The following RP1 variants were observed in gnomAD, a reference collection of about 807,000 sequenced individuals.
RP1 encodes the protein RP1 axonemal microtubule associated.
A neutral mutation model predicts 14.8 loss-of-function variants in RP1; 16 were observed. That is an observed-to-expected ratio of 1.08 (90% CI 0.73 to 1.65). The LOEUF is 1.65. RP1 is among the 40% of genes most tolerant of loss of function. The pLI, the probability that RP1 is intolerant of heterozygous loss-of-function variation, is 0.00. For missense variants in RP1, 2,631 were observed against 2,535.0 expected (o/e 1.04, Z -0.81); for synonymous variants, 876 against 883.6 (o/e 0.99, Z 0.15).
chr8:54,743,532 C>A (rs1172623238), intron 19 of RP1, among the ~76,000 whole-genome samples: 1 of 152,154 alleles, frequency 6.6e-6, no homozygotes, highest in Non-Finnish European at 1.5e-5. Flanking sequence ...CCAGCGTGTA[C>A]TTGCAGATTC....
At chr8:54,634,732 G>A (rs1299382366), downstream of RP1, among the ~76,000 whole-genome samples, 1 of 152,132 alleles carries the variant, frequency 6.6e-6, no homozygotes, top group African/African-American at 2.4e-5. Context: ...GAGAAGATAC[G>A]TTCATCTTGT....
intron 1 of RP1, among the ~76,000 whole-genome samples, chr8:54,591,919 T>C (rs542144233): frequency 8.8e-4 from 134 of 152,292 alleles, no homozygotes; most frequent in African/African-American, 2.9e-3. Context: ...GTACCAGTTC[T>C]CTTGAGGTTT....
At position 54,630,464 on chromosome 8, in the gene RP1, T is replaced by C. The variant is rs1346793831; in HGVS notation, c.*111T>C. ...CTAAGAATTTTCCACTTCTTCAAAA[T>C]GAACTTACTCTAGAAAGCTTACCCT... On this transcript the variant is annotated 3_prime_UTR_variant, in exon 4 of 4. Transcript: ENST00000220676. 6.5e-7 allele frequency: 1 copy of C among 1,528,704 alleles called. No individual in the cohort carries two copies. The highest frequency in any genetic ancestry group is 8.8e-7 in the Non-Finnish European group (1 of 1,140,156). 94.7% of individuals were successfully genotyped at this position (1,528,704 alleles called of 1,614,324 possible).
intron 25 of RP1, among the ~76,000 whole-genome samples, chr8:54,851,885 A>G (rs928613896): frequency 4.6e-5 from 7 of 152,188 alleles, no homozygotes; most frequent in African/African-American, 1.7e-4. Flanking sequence ...ACAAAGTATG[A>G]TTTATAAAGA....
At chr8:54,593,426 T>C (rs1805081651) in intron 1 of RP1, among the ~76,000 whole-genome samples, 1 of 152,224 alleles carries the variant, frequency 6.6e-6, no homozygotes, top group Non-Finnish European at 1.5e-5. Context: ...CATTTTTATC[T>C]TGTCCTTTTC....
chr8:54,664,503 T>A (rs914058908), intron 7 of RP1, among the ~76,000 whole-genome samples: 1 of 152,158 alleles, frequency 6.6e-6, no homozygotes, highest in Non-Finnish European at 1.5e-5. Context: ...CATTTTACAA[T>A]CCCACCAGCA....
chr8:54,626,284 T>C lies in RP1; in HGVS notation c.2402T>C (p.Val801Ala). The C allele has an allele frequency of 1.2e-6, 2 of 1,613,442 alleles. No individual in the cohort carries two copies. The highest frequency in any genetic ancestry group is 1.7e-6 in the Non-Finnish European group (2 of 1,179,662). The change falls in exon 4 of 4, where the codon GTG (valine) becomes GCG (alanine). Residue 801 changes from valine to alanine, a missense_variant. Val to Ala is a moderately conservative substitution (Grantham distance 64). Coordinates refer to ENST00000220676, the MANE Select transcript of RP1 (RefSeq NM_006269.2). ...KKREIGQRDK[V>A]FPHNESKYCK... ...AGAGAAATCGGTCAAAGAGATAAAGTGTTTCCTCACAATGAATCTAAATAT... is the reference window on the plus strand; with the variant it reads ...AGAGAAATCGGTCAAAGAGATAAAGCGTTTCCTCACAATGAATCTAAATAT...
At chr8:54,600,939 C>T (rs918886200) in intron 1 of RP1, among the ~76,000 whole-genome samples, 1 of 152,142 alleles carries the variant, frequency 6.6e-6, no homozygotes, top group Non-Finnish European at 1.5e-5. Context: ...TTTGTGATTC[C>T]TAGCCCTCCT....
intron 1 of RP1, among the ~76,000 whole-genome samples, chr8:54,582,094 TG>T (rs1804805573): frequency 6.6e-6 from 1 of 152,236 alleles, no homozygotes; most frequent in South Asian, 2.1e-4. Context: ...ATGTCCTGAA[TG>T]GTATTGCCTA....
intron 1 of RP1, among the ~76,000 whole-genome samples, chr8:54,582,578 A>G (rs1804822105): frequency 6.6e-6 from 1 of 152,128 alleles, no homozygotes; most frequent in Non-Finnish European, 1.5e-5. Flanking sequence ...CATTGAATCT[A>G]TAAATTACCT....
intron 22 of RP1, among the ~76,000 whole-genome samples, chr8:54,768,957 C>T (rs1809833809): frequency 1.3e-5 from 2 of 149,760 alleles, no homozygotes; most frequent in African/African-American, 4.9e-5. Flanking sequence ...AGTGCAGTGG[C>T]ACAATCTCAG....
intron 19 of RP1, among the ~76,000 whole-genome samples, chr8:54,748,543 T>G (rs1453270278): frequency 6.6e-6 from 1 of 152,234 alleles, no homozygotes. Context: ...TAGGGTATTA[T>G]CACAAGGCAC....
intron 12 of RP1, chr8:54,696,410 G>A (rs887591928): frequency 6.0e-5 from 42 of 697,146 alleles, no homozygotes; most frequent in Non-Finnish European, 8.1e-5. Flanking sequence ...GGCGGAGCAA[G>A]AGCAAAGAAA....
chr8:54,675,288 T>C (rs1025003023), intron 8 of RP1, among the ~76,000 whole-genome samples: 2 of 152,158 alleles, frequency 1.3e-5, no homozygotes, highest in Admixed American at 1.3e-4. Flanking sequence ...GGGTAATTTT[T>C]TGGTAAAGTT....
rs1484711577 is a variant in RP1, at chr8:54,621,569, G to T, written c.603G>T (p.Thr201=). 3.1e-6 allele frequency: 5 copies of T among 1,614,004 alleles called. No individual in the cohort carries two copies. Among genetic ancestry groups the T allele is most frequent in the East Asian group, 2.2e-5 (1 of 44,876 alleles). ...MQRPVVKLYA[T]DGRRVPSLQA... ...GCCCTGTGGTCAAGCTGTACGCTACGGACGGAAGGAGGGTGAGCGTTCTGG... is the reference window on the plus strand; with the variant it reads ...GCCCTGTGGTCAAGCTGTACGCTACTGACGGAAGGAGGGTGAGCGTTCTGG... The change falls in exon 2 of 4, where the codon ACG becomes ACT. Residue 201 remains threonine, a synonymous_variant. Transcript: ENST00000220676.
chr8:54,726,791 A>G (rs1808666028), intron 17 of RP1, among the ~76,000 whole-genome samples: 1 of 152,106 alleles, frequency 6.6e-6, no homozygotes, highest in Non-Finnish European at 1.5e-5. Context: ...ATTTTATGAA[A>G]AACAGTAAAT....
At chr8:54,723,704 T>C (rs1211004765) in intron 16 of RP1, among the ~76,000 whole-genome samples, 1 of 152,232 alleles carries the variant, frequency 6.6e-6, no homozygotes, top group Non-Finnish European at 1.5e-5. Flanking sequence ...ATAATAAGCC[T>C]GCATTTATAA....
chr8:54,605,345 G>A (rs180763375), intron 1 of RP1, among the ~76,000 whole-genome samples: 20 of 152,260 alleles, frequency 1.3e-4, no homozygotes, highest in Admixed American at 5.2e-4. Flanking sequence ...GTAGTTGAGC[G>A]GTTTTGAGTG....
chr8:54,746,426 T>C lies in RP1; in HGVS notation c.2808+7397T>C, dbSNP rs577384606. Among the ~76,000 whole-genome samples, 7 of 152,330 alleles carry C rather than the reference T, an allele frequency of 4.6e-5. No homozygotes were observed. In the South Asian group the frequency reaches 1.4e-3, roughly 32 times the overall value. On this transcript the variant is annotated intron_variant, in intron 19 of 22. Transcript: ENST00000636932. ...AAGGTCTGACTTGCTATTTCAGCCA[T>C]ATTAATGCACACTAACCAACTGTGC...
Sources: gnomAD v4.1 joint callset for allele counts (sites outside exome capture counted in the v4.1 genomes callset) on GRCh38, gnomAD v4.1.1 for gene constraint, MANE v1.5 for transcripts, NCBI Gene and HGNC (gene_info 2026-07-23, HGNC 2026-07-21) for gene names.